LRRFIP1: variants seen among roughly 807,000 people sequenced by gnomAD.
The protein encoded by LRRFIP1 is LRR binding FLII interacting protein 1, also known as leucine-rich repeat flightless-interacting protein 1.
A neutral mutation model predicts 104.4 loss-of-function variants in LRRFIP1; 62 were observed. The ratio of observed to expected loss-of-function variants is 0.59; its 90% CI spans 0.48 to 0.73. The LOEUF (loss-of-function observed/expected upper bound fraction) is 0.73, where lower values mean the gene tolerates loss of function less well. Ranked by LOEUF, LRRFIP1 falls within the 30% of genes least tolerant of loss-of-function variation. The probability of loss-of-function intolerance (pLI) is 0.00; values close to 1 mark genes in which losing one functional copy is unlikely to be tolerated. For synonymous variants in LRRFIP1, 300 were observed against 299.0 expected, an observed-to-expected ratio of 1.00 and a Z score of -0.03; for missense variants, 796 against 824.5, an observed-to-expected ratio of 0.97 and a Z score of 0.42.
intron 1 of LRRFIP1, among the ~76,000 whole-genome samples, chr2:237,699,204 A>C (rs2093366252): frequency 6.6e-6 from 1 of 152,238 alleles, no homozygotes; most frequent in African/African-American, 2.4e-5. Context: ...GCCAAGTATC[A>C]TCATCTTCCT....
chr2:237,700,044 C>T (rs2093428843), intron 1 of LRRFIP1, among the ~76,000 whole-genome samples: 1 of 152,208 alleles, frequency 6.6e-6, no homozygotes, highest in Admixed American at 6.5e-5. Flanking sequence ...GTGAGCCTCC[C>T]TTGCGTTGCG....
intron 1 of LRRFIP1, among the ~76,000 whole-genome samples, chr2:237,698,295 T>G (rs1372993589): frequency 6.6e-6 from 1 of 152,216 alleles, no homozygotes; most frequent in African/African-American, 2.4e-5. Flanking sequence ...CCCTCCTACT[T>G]CTTTAATGAG....
Position 237,758,790 on chromosome 2 carries a change from A to T in LRRFIP1, c.1286A>T (p.Glu429Val). ...AGGAGTGAACGGGATGATCTTAGAG[A>T]AGAAGTAGTCATGCTGAAAGAGGAA... ...SVRSERDDLREEVVMLKEELK... is the reference protein window; with the variant it reads ...SVRSERDDLRVEVVMLKEELK... Residue 429 changes from glutamate (E) to valine (V), a missense_variant, in exon 18 of 24, where the codon GAA becomes GTA. By Grantham distance (121) the Glu-to-Val change is moderately radical. Transcript: ENST00000308482. 6.2e-7 allele frequency: 1 copy of T among 1,611,614 alleles called. No individual in the cohort carries two copies. Among genetic ancestry groups the T allele is most frequent in the African/African-American group, 1.3e-5 (1 of 75,002 alleles).
chr2:237,752,990 G>C (rs556757959), intron 14 of LRRFIP1, among the ~76,000 whole-genome samples: 2 of 152,324 alleles, frequency 1.3e-5, no homozygotes, highest in Admixed American at 6.5e-5. Flanking sequence ...GTGCTGGGGG[G>C]ATTCCCCAGC....
In LRRFIP1 at chr2:237,708,567, A is replaced by G; in HGVS notation, c.120A>G (p.Lys40=). ...AREAEARLAA[K]RAARAEAREI... Reference sequence around the variant, plus strand: ...AGGCGGAAGCCCGGCTCGCTGCAAAACGGGCGGCCCGCGCGGAGGCTCGCG... The same window carrying G: ...AGGCGGAAGCCCGGCTCGCTGCAAAGCGGGCGGCCCGCGCGGAGGCTCGCG... Residue 40 remains lysine (K), a synonymous_variant, in exon 2 of 24, where the codon AAA becomes AAG. Transcript: ENST00000308482. The G allele has an allele frequency of 2.5e-6, 4 of 1,590,382 alleles. No homozygotes were observed. The highest frequency in any genetic ancestry group is 3.4e-6 in the Non-Finnish European group (4 of 1,165,818).
chr2:237,730,914 T>C (rs2094972867), intron 8 of LRRFIP1, among the ~76,000 whole-genome samples: 1 of 139,320 alleles, frequency 7.2e-6, no homozygotes, highest in Non-Finnish European at 1.5e-5. Context: ...TGAGATTCCA[T>C]CTCAGACAAA....
At chr2:237,697,958 A>G (rs2093301950) in intron 1 of LRRFIP1, among the ~76,000 whole-genome samples, 3 of 152,232 alleles carry the variant, frequency 2.0e-5, no homozygotes, top group Admixed American at 6.5e-5. Flanking sequence ...GTAGAAGTTC[A>G]CTTGCATGGA....
At chr2:237,665,994 G>A (rs2089157278) in intron 1 of LRRFIP1, among the ~76,000 whole-genome samples, 1 of 152,220 alleles carries the variant, frequency 6.6e-6, no homozygotes, top group South Asian at 2.1e-4. Context: ...CCTTCCCCAG[G>A]GGCGTCCCCC....
chr2:237,750,336 T>C (rs1234258310), intron 13 of LRRFIP1, among the ~76,000 whole-genome samples: 2 of 143,024 alleles, frequency 1.4e-5, no homozygotes, highest in Non-Finnish European at 3.1e-5. Context: ...CTTTTTTTTT[T>C]TTTTTTTTTT....
intron 1 of LRRFIP1, among the ~76,000 whole-genome samples, chr2:237,695,034 A>T (rs998794381): frequency 6.6e-6 from 1 of 152,166 alleles, no homozygotes; most frequent in African/African-American, 2.4e-5. Context: ...CAATATGGGG[A>T]TGAATCAGTT....
chr2:237,765,282 C>A (rs28509258), intron 19 of LRRFIP1: 63 of 98,722 alleles, frequency 6.4e-4, no homozygotes, highest in African/African-American at 2.2e-3. Context: ...AAAAAAAACA[C>A]ACACACACAC....
intron 1 of LRRFIP1, among the ~76,000 whole-genome samples, chr2:237,641,046 C>T (rs1391042730): frequency 6.6e-6 from 1 of 152,170 alleles, no homozygotes; most frequent in Non-Finnish European, 1.5e-5. Flanking sequence ...TACACTGTCC[C>T]TCTCACTAAT....
chr2:237,727,953 G>A lies in LRRFIP1; in HGVS notation c.444+18G>A. The A allele has an allele frequency of 6.3e-7, 1 of 1,579,822 alleles. No individual in the cohort carries two copies. Among genetic ancestry groups the A allele is most frequent in the Admixed American group, 1.8e-5 (1 of 54,222 alleles). On this transcript the variant is annotated intron_variant, in intron 8 of 23. Transcript: ENST00000308482. ...CTGGCAGGGTTAGTATAGTAAATTT[G>A]CATGGCTCAAAATTCAAATAGGTTG...
rs1377195984 is a variant in LRRFIP1, at chr2:237,764,849, C to A, written c.1459+4644C>A. 5.1e-6 allele frequency: 5 copies of A among 985,594 alleles called. No homozygotes were observed. In the East Asian group the frequency reaches 5.7e-4, roughly 112 times the overall value. The allele number at this position is 985,594 out of a possible 1,614,324, so 61.1% of individuals were successfully genotyped here. Reference sequence around the variant, plus strand: ...TTTACTTTGTAAGAGATTTTAACTTCACTTCATGCTGATGATGTATCAAAT... The same window carrying A: ...TTTACTTTGTAAGAGATTTTAACTTAACTTCATGCTGATGATGTATCAAAT... On this transcript the variant is annotated intron_variant, in intron 19 of 23. Transcript: ENST00000308482.
In LRRFIP1 at chr2:237,691,525, T is replaced by A. The variant is rs959566322; in HGVS notation, c.97-17019T>A. On this transcript the variant is annotated intron_variant, in intron 1 of 23. Coordinates refer to ENST00000308482, the MANE Select transcript of LRRFIP1 (RefSeq NM_001137550.2). The surrounding 1 kb of genome is among the most constrained non-coding windows in gnomAD (Gnocchi z 5.4). ...CTGTGTGCACGCAGCTGCGTCGTCC[T>A]GGAAGTCGGCCCTTCTCGGGATGCC... Among the ~76,000 whole-genome samples the A allele has an allele frequency of 2.6e-5, 4 of 152,048 alleles. No individual in the cohort carries two copies. Among genetic ancestry groups the A allele is most frequent in the Non-Finnish European group, 4.4e-5 (3 of 67,972 alleles).
intron 1 of LRRFIP1, among the ~76,000 whole-genome samples, chr2:237,629,424 A>C (rs1226798168): frequency 1.3e-5 from 2 of 151,652 alleles, no homozygotes; most frequent in East Asian, 3.9e-4. Context: ...AGAAGAATGA[A>C]AATTTCCAGA....
rs1201321273 is a variant in LRRFIP1 at position 237,703,589 on chromosome 2, G to T, written c.97-4955G>T. Among the ~76,000 whole-genome samples, 11 of 151,934 alleles carry T rather than the reference G, an allele frequency of 7.2e-5. No homozygotes were observed. ...CCGGCTCTGCTTGTCCTGTTTCAGG[G>T]TCCGGCTTAGGGCTCCTGTCCTGCG... On this transcript the variant is annotated intron_variant, in intron 1 of 23. Transcript: ENST00000308482. The surrounding 1 kb of genome is among the most constrained non-coding windows in gnomAD (Gnocchi z 4.3).
In LRRFIP1 at chr2:237,779,615, C is replaced by A; in HGVS notation, c.*83C>A. 1 of 1,210,210 alleles carries A rather than the reference C, an allele frequency of 8.3e-7. No individual in the cohort carries two copies. The highest frequency in any genetic ancestry group is 1.2e-6 in the Non-Finnish European group (1 of 837,288). The allele number at this position is 1,210,210 out of a possible 1,614,324, so 75.0% of individuals were successfully genotyped here. A position where few individuals can be genotyped will look rare whatever the true frequency, so the allele number is the denominator to read the frequency against. ...TTCTCTGTCCTATCTGGGAGCGCTG[C>A]TTCTTCCCCTGCCTTCCGAGAGACG... On this transcript the variant is annotated 3_prime_UTR_variant, in exon 24 of 24. Coordinates refer to ENST00000308482, the MANE Select transcript of LRRFIP1 (RefSeq NM_001137550.2).
chr2:237,745,318 G>A (rs1559761696), intron 11 of LRRFIP1, among the ~76,000 whole-genome samples: 1 of 152,176 alleles, frequency 6.6e-6, no homozygotes, highest in East Asian at 1.9e-4. Context: ...ACTCTACTAT[G>A]TAAAATAGAG....
Sources: gnomAD v4.1 joint callset for allele counts (sites outside exome capture counted in the v4.1 genomes callset) on GRCh38, gnomAD v4.1.1 for gene constraint, Gnocchi (gnomAD v3.1) non-coding constraint, MANE v1.5 for transcripts, NCBI Gene and HGNC (gene_info 2026-07-23, HGNC 2026-07-21) for gene names.